Variants in RFX7 observed in about 807,000 individuals in gnomAD.
The protein encoded by RFX7 is regulatory factor X7.
RFX7 carries 26 observed loss-of-function variants against 111.8 expected under a neutral mutation model. The observed-to-expected ratio is 0.23, with a 90% CI of 0.17 to 0.32. The LOEUF (loss-of-function observed/expected upper bound fraction) is 0.32. RFX7 is among the 10% of genes least tolerant of loss of function. RFX7 has a pLI of 1.00. For missense variants in RFX7, 1,573 were observed against 1,772.9 expected, an observed-to-expected ratio of 0.89 and a Z score of 2.02; for synonymous variants, 624 against 624.4, an observed-to-expected ratio of 1.00 and a Z score of 0.01.
At chr15:56,159,691 T>G (rs1236439059) in intron 3 of RFX7, among the ~76,000 whole-genome samples, 1 of 152,138 alleles carries the variant, frequency 6.6e-6, no homozygotes, top group Non-Finnish European at 1.5e-5. Flanking sequence ...GAAACAATAT[T>G]CTATATTGCA....
chr15:56,119,907 C>T (rs2042054631), intron 5 of RFX7, among the ~76,000 whole-genome samples: 1 of 151,966 alleles, frequency 6.6e-6, no homozygotes, highest in Non-Finnish European at 1.5e-5. Context: ...GTTTTGGTTA[C>T]TACAGCTCTA....
At chr15:56,098,537 T>C (rs2041712642) in intron 8 of RFX7, among the ~76,000 whole-genome samples, 161 bp from the exon 9 acceptor site, 1 of 152,250 alleles carries the variant, frequency 6.6e-6, no homozygotes, top group African/African-American at 2.4e-5. Flanking sequence ...TTCGAATTTA[T>C]AAACAATTGT....
chr15:56,242,509 C>T (rs1040295407), intron 2 of RFX7, among the ~76,000 whole-genome samples: 2 of 151,746 alleles, frequency 1.3e-5, no homozygotes, highest in African/African-American at 4.8e-5. Context: ...AAAAAAAAAC[C>T]ACTTTGTTGT....
At chr15:56,133,184 A>C (rs2042241725) in intron 5 of RFX7, among the ~76,000 whole-genome samples, 1 of 152,180 alleles carries the variant, frequency 6.6e-6, no homozygotes, top group Admixed American at 6.5e-5. Flanking sequence ...CATGAATATT[A>C]GAATTCAAAA....
intron 5 of RFX7, among the ~76,000 whole-genome samples, chr15:56,109,223 T>A (rs1261658079): frequency 1.3e-5 from 2 of 152,186 alleles, no homozygotes; most frequent in Admixed American, 1.3e-4. Flanking sequence ...TTTTCGTATT[T>A]TTTGGGTGGA....
At chr15:56,215,313 GCTGA>G (rs1190387513) in intron 2 of RFX7, among the ~76,000 whole-genome samples, 4 of 152,110 alleles carry the variant, frequency 2.6e-5, no homozygotes, top group African/African-American at 4.8e-5. Context: ...GATACAGAGG[GCTGA>G]CTGTTAAATC....
In RFX7 at chr15:56,133,006, A is replaced by G. The variant is rs150671911; in HGVS notation, c.401+9772T>C. ...TATACATTAAAGAAGGCATTAGAAAAACTATAAGGAAATAAAACCAGATGG... is the reference window on the plus strand; with the variant it reads ...TATACATTAAAGAAGGCATTAGAAAGACTATAAGGAAATAAAACCAGATGG... On this transcript the variant is annotated intron_variant, in intron 5 of 9. Transcript: ENST00000559447. 1.6e-3 allele frequency among the ~76,000 whole-genome samples: 246 copies of G among 152,274 alleles called. 1 individual carries two copies. The highest frequency in any genetic ancestry group is 5.7e-3 in the African/African-American group (236 of 41,584).
chr15:56,181,459 A>C (rs1304367881), intron 2 of RFX7, among the ~76,000 whole-genome samples: 1 of 152,146 alleles, frequency 6.6e-6, no homozygotes, highest in South Asian at 2.1e-4. Context: ...TTTACCAGCT[A>C]TCTTCCTTGA....
At chr15:56,129,526 A>G (rs541342723) in intron 5 of RFX7, among the ~76,000 whole-genome samples, 42 of 152,338 alleles carry the variant, frequency 2.8e-4, no homozygotes, top group South Asian at 1.0e-3. Context: ...GGTATAGGAA[A>G]AAAACTGTTG....
At position 56,120,842 on chromosome 15, in the gene RFX7, T is replaced by C. The variant is rs557895370; in HGVS notation, c.402-17172A>G. Among the ~76,000 whole-genome samples the C allele has an allele frequency of 2.1e-3, 319 of 152,300 alleles. 1 individual carries two copies. Among genetic ancestry groups the C allele is most frequent in the Non-Finnish European group, 3.6e-3 (248 of 68,024 alleles). On this transcript the variant is annotated intron_variant, in intron 5 of 9. Transcript: ENST00000559447. ...ATTAAACTGATAACAAATTATTGGATTGCATAAACAAACAAGCCAAAAGAG... is the reference window on the plus strand; with the variant it reads ...ATTAAACTGATAACAAATTATTGGACTGCATAAACAAACAAGCCAAAAGAG...
intron 2 of RFX7, among the ~76,000 whole-genome samples, chr15:56,229,552 T>TAG (rs1471182814): frequency 1.3e-5 from 2 of 152,206 alleles, no homozygotes; most frequent in Non-Finnish European, 2.9e-5. Flanking sequence ...TTTAAGAAGA[T>TAG]GACTCCTCTA....
At chr15:56,194,773 G>C (rs571432465) in intron 2 of RFX7, among the ~76,000 whole-genome samples, 62 of 152,194 alleles carry the variant, frequency 4.1e-4, no homozygotes, top group Admixed American at 3.5e-3. Context: ...GGATTCTGTT[G>C]GTAAGGATGG....
intron 2 of RFX7, among the ~76,000 whole-genome samples, chr15:56,214,481 C>A (rs917564317): frequency 1.3e-5 from 2 of 150,492 alleles, no homozygotes; most frequent in South Asian, 2.1e-4. Flanking sequence ...TTTGGGAGGC[C>A]GAGGTGGGCG....
intron 3 of RFX7, among the ~76,000 whole-genome samples, chr15:56,160,080 G>C (rs1383530548): frequency 1.3e-5 from 2 of 152,094 alleles, no homozygotes; most frequent in Admixed American, 1.3e-4. Context: ...TTTAAGCAAG[G>C]TTAAAAAAGT....
chr15:56,124,000 A>G (rs1567017357), intron 5 of RFX7, among the ~76,000 whole-genome samples: 1 of 152,156 alleles, frequency 6.6e-6, no homozygotes, highest in Non-Finnish European at 1.5e-5. Flanking sequence ...AGGTACTATG[A>G]CCATTCACCT....
intron 5 of RFX7, among the ~76,000 whole-genome samples, chr15:56,105,898 GT>G (rs1400137969): frequency 2.0e-5 from 3 of 152,116 alleles, no homozygotes; most frequent in African/African-American, 7.2e-5. Context: ...AAAATTGTTT[GT>G]TAAGAATTCT....
chr15:56,222,266 C>A (rs1455914857), intron 2 of RFX7, among the ~76,000 whole-genome samples: 2 of 152,074 alleles, frequency 1.3e-5, no homozygotes, highest in Non-Finnish European at 2.9e-5. Context: ...CGTATCTTCC[C>A]CATTCCTGCC....
At chr15:56,110,219 A>T (rs1193205063) in intron 5 of RFX7, among the ~76,000 whole-genome samples, 1 of 102,998 alleles carries the variant, frequency 9.7e-6, no homozygotes, top group African/African-American at 3.5e-5. Flanking sequence ...CCTACTGGGA[A>T]GTGAGGAGCC....
chr15:56,093,627 A>C lies in RFX7; in HGVS notation c.4101T>G (p.Gly1367=), dbSNP rs1234430471. The C allele has an allele frequency of 1.9e-6, 3 of 1,613,822 alleles. No individual in the cohort carries two copies. Among genetic ancestry groups the C allele is most frequent in the Non-Finnish European group, 2.5e-6 (3 of 1,179,820 alleles). The change falls in exon 10 of 10, where the codon GGT becomes GGG. Residue 1367 remains glycine (G), a synonymous_variant. Coordinates refer to ENST00000559447, the MANE Select transcript of RFX7 (RefSeq NM_022841.7). ...DSLQTNQQLV[G]QGASDLTNTA... ...TATTAGTGAGATCAGATGCTCCCTGACCTACCAGCTGCTGGTTGGTTTGCA... is the reference window on the plus strand; with the variant it reads ...TATTAGTGAGATCAGATGCTCCCTGCCCTACCAGCTGCTGGTTGGTTTGCA...
Sources: gnomAD v4.1 joint callset for allele counts (sites outside exome capture counted in the v4.1 genomes callset) on GRCh38, gnomAD v4.1.1 for gene constraint, MANE v1.5 for transcripts, NCBI Gene and HGNC (gene_info 2026-07-23, HGNC 2026-07-21) for gene names.